Variants in ARHGAP12 observed in about 807,000 individuals in gnomAD.
The protein encoded by ARHGAP12 is Rho GTPase activating protein 12, also known as rho GTPase-activating protein 12.
A neutral mutation model predicts 108.6 loss-of-function variants in ARHGAP12; 64 were observed. That is an observed-to-expected ratio of 0.59 (90% CI 0.48 to 0.73). ARHGAP12 has a LOEUF of 0.73. Ranked by LOEUF, ARHGAP12 falls within the 30% of genes least tolerant of loss-of-function variation. The probability of loss-of-function intolerance (pLI) is 0.00; values close to 1 mark genes in which losing one functional copy is unlikely to be tolerated. For missense variants in ARHGAP12, 940 were observed against 1,005.9 expected (o/e 0.93, Z 0.89); for synonymous variants, 312 against 337.2 (o/e 0.93, Z 0.82).
intron 1 of ARHGAP12, among the ~76,000 whole-genome samples, chr10:31,918,568 T>C (rs1175411699): frequency 3.3e-5 from 5 of 152,192 alleles, no homozygotes; most frequent in South Asian, 2.1e-4. Context: ...TAGCCAAGGA[T>C]TGGTGGCACA....
At chr10:31,867,749 T>C (rs1039031319) in intron 3 of ARHGAP12, among the ~76,000 whole-genome samples, 1 of 152,120 alleles carries the variant, frequency 6.6e-6, no homozygotes, top group African/African-American at 2.4e-5. Context: ...CAAAAATCCC[T>C]AACAAAGATG....
At chr10:31,812,213 TAAAA>T (rs1049944352) in intron 15 of ARHGAP12, among the ~76,000 whole-genome samples, 1 of 151,832 alleles carries the variant, frequency 6.6e-6, no homozygotes, top group Admixed American at 6.6e-5. Context: ...TATTTTCCTA[TAAAA>T]AAAAGATTGT....
chr10:31,928,084 G>C lies in ARHGAP12; in HGVS notation c.-111+599C>G, dbSNP rs1805760351. ...GGGACGCCCCAGGTGGATTCCCCGG[G>C]TGGGCTCCCCGGGTGGGTGGAGGCC... On this transcript the variant is annotated intron_variant, in intron 1 of 19. Coordinates refer to ENST00000344936, the MANE Select transcript of ARHGAP12 (RefSeq NM_018287.7). Among the ~76,000 whole-genome samples, 3 of 152,278 alleles carry C rather than the reference G, an allele frequency of 2.0e-5. No individual in the cohort carries two copies. The South Asian group carries it at 6.2e-4, about 32-fold the overall frequency.
intron 3 of ARHGAP12, among the ~76,000 whole-genome samples, chr10:31,865,871 C>A (rs1837304883): frequency 7.6e-6 from 1 of 131,884 alleles, no homozygotes. Context: ...GAGCAAGACT[C>A]CGTCTCAAAA....
intron 3 of ARHGAP12, among the ~76,000 whole-genome samples, chr10:31,867,131 T>C (rs1592311135): frequency 6.6e-6 from 1 of 151,550 alleles, no homozygotes; most frequent in East Asian, 1.9e-4. Flanking sequence ...TTTTTTTTTT[T>C]TGAGACGGAG....
At chr10:31,878,943 T>C (rs1016468706) in intron 3 of ARHGAP12, among the ~76,000 whole-genome samples, 6 of 152,210 alleles carry the variant, frequency 3.9e-5, no homozygotes, top group African/African-American at 4.8e-5. Flanking sequence ...CATTACAAAT[T>C]GCCATCCCTT....
At chr10:31,829,060 G>A (rs1204630819) in intron 10 of ARHGAP12, among the ~76,000 whole-genome samples, 3 of 152,140 alleles carry the variant, frequency 2.0e-5, no homozygotes, top group Non-Finnish European at 4.4e-5. Context: ...GCTGAGGCAG[G>A]AGAATTGCTT....
rs1222624722 is a variant in ARHGAP12 at position 31,903,044 on chromosome 10, T to C, written c.684+5128A>G. Among the ~76,000 whole-genome samples, 12 of 152,212 alleles carry C rather than the reference T, an allele frequency of 7.9e-5. No homozygotes were observed. The South Asian group carries it at 2.3e-3, about 29-fold the overall frequency. On this transcript the variant is annotated intron_variant, in intron 3 of 19. Coordinates refer to ENST00000344936, the MANE Select transcript of ARHGAP12 (RefSeq NM_018287.7). ...TTGAAGTGCAACATCAGCTCTTCCC[T>C]GAGTCTCTAGCCTGCCAGTCCACCC...
At chr10:31,878,316 G>A (rs112540153) in intron 3 of ARHGAP12, among the ~76,000 whole-genome samples, 1 of 152,142 alleles carries the variant, frequency 6.6e-6, no homozygotes, top group African/African-American at 2.4e-5. Flanking sequence ...GGCCATGACC[G>A]TTTACACAGA....
chr10:31,810,896 A>G, intron 15 of ARHGAP12, 149 bp from the exon 16 acceptor site: 1 of 602,014 alleles, frequency 1.7e-6, no homozygotes, highest in East Asian at 3.1e-5. Context: ...CATCTTGCCT[A>G]CTTCTTTTCA....
In ARHGAP12 at chr10:31,817,879, G is replaced by C. The variant is rs758401380; in HGVS notation, c.1640C>G (p.Thr547Ser). ...AATTAGCAGTTCTGTTCCTTGACGA[G>C]TTTTCAGCTTTAGAGAAAAGCAGGG... is the stretch of plus-strand genomic sequence containing the variant. ...SSKKNVFELK[T>S]RQGTELLIQS... The change falls in exon 13 of 20, where the codon ACT becomes AGT. Residue 547 changes from threonine to serine, a missense_variant. Coordinates refer to ENST00000344936, the MANE Select transcript of ARHGAP12 (RefSeq NM_018287.7). The C allele has an allele frequency of 1.2e-6, 2 of 1,610,352 alleles. No individual in the cohort carries two copies. Among genetic ancestry groups the C allele is most frequent in the Admixed American group, 3.4e-5 (2 of 59,302 alleles).
chr10:31,828,940 T>C (rs996867426), intron 10 of ARHGAP12, among the ~76,000 whole-genome samples: 6 of 152,102 alleles, frequency 3.9e-5, no homozygotes, highest in African/African-American at 1.4e-4. Flanking sequence ...TCACCTGAGG[T>C]CAGGAGTTCA....
intron 1 of ARHGAP12, among the ~76,000 whole-genome samples, chr10:31,915,427 G>A (rs552013030): frequency 5.9e-5 from 9 of 151,288 alleles, no homozygotes; most frequent in Non-Finnish European, 7.4e-5. Context: ...TGGTGGTAAC[G>A]AGAGGCTAAG....
chr10:31,875,401 T>C (rs564674245), intron 3 of ARHGAP12, among the ~76,000 whole-genome samples: 1 of 152,236 alleles, frequency 6.6e-6, no homozygotes, highest in African/African-American at 2.4e-5. Context: ...TAAGCAGAAA[T>C]GAAGTCACTA....
intron 3 of ARHGAP12, among the ~76,000 whole-genome samples, chr10:31,898,023 C>G: frequency 6.6e-6 from 1 of 152,018 alleles, no homozygotes; most frequent in Admixed American, 6.6e-5. Flanking sequence ...ACTTGGGAGG[C>G]TGAGGTGGGA....
At chr10:31,907,535 G>A (rs1839184328) in intron 3 of ARHGAP12, among the ~76,000 whole-genome samples, 1 of 151,314 alleles carries the variant, frequency 6.6e-6, no homozygotes, top group Admixed American at 6.6e-5. Flanking sequence ...TGGGGAAGCT[G>A]AGGTGAGAAG....
intron 3 of ARHGAP12, among the ~76,000 whole-genome samples, chr10:31,889,619 GTTT>G (rs869116452): frequency 0.018 from 1,167 of 66,200 alleles, 4 homozygotes; most frequent in African/African-American, 0.072. Context: ...AATTTTTCTC[GTTT>G]TTTTTTTTTT....
chr10:31,817,754 TG>T (rs1835260461), intron 13 of ARHGAP12, 33 bp downstream of exon 13: 1 of 1,429,914 alleles, frequency 7.0e-7, no homozygotes, highest in Admixed American at 2.3e-5. Flanking sequence ...AAAACAGCTC[TG>T]AAGTAAAAAT....
intron 3 of ARHGAP12, among the ~76,000 whole-genome samples, chr10:31,887,165 G>A (rs1416542285): frequency 1.3e-5 from 2 of 152,214 alleles, no homozygotes; most frequent in South Asian, 2.1e-4. Context: ...AGAGGGGCAG[G>A]ATGAAGATCC....
Sources: allele counts gnomAD v4.1 joint callset (sites outside exome capture counted in the v4.1 genomes callset), GRCh38; gene constraint gnomAD v4.1.1; transcripts MANE v1.5; gene names NCBI Gene and HGNC (gene_info 2026-07-23, HGNC 2026-07-21).